The following LMOD3 variants were observed in gnomAD, a reference collection of about 807,000 sequenced individuals.
LMOD3 encodes the protein leiomodin-3.
A neutral mutation model predicts 41.8 loss-of-function variants in LMOD3; 31 were observed. The observed-to-expected ratio is 0.74, with a 90% confidence interval of 0.56 to 1.00. The LOEUF (loss-of-function observed/expected upper bound fraction) is 1.00. Ranked by LOEUF, LMOD3 falls within the 50% of genes least tolerant of loss-of-function variation. The pLI is 0.00. For missense variants in LMOD3, 755 were observed against 679.5 expected (o/e 1.11, Z -1.23); for synonymous variants, 292 against 241.9 (o/e 1.21, Z -1.92).
At position 69,107,915 on chromosome 3, in the gene LMOD3, A is replaced by C. The variant is rs1005407873; in HGVS notation, c.*1180T>G. The C allele has an allele frequency of 6.6e-6, 1 of 152,206 alleles. No individual in the cohort carries two copies. Among genetic ancestry groups the C allele is most frequent in the Non-Finnish European group, 1.5e-5 (1 of 68,042 alleles). 9.4% of individuals were successfully genotyped at this position (152,206 alleles called of 1,614,324 possible). A position where few individuals can be genotyped will look rare whatever the true frequency, so the allele number is the denominator to read the frequency against. ...AGAAGGACAGATTGGAGTTGTCTGGAAAATTTTTTATGGAGGACACAGGAT... is the reference window on the plus strand; with the variant it reads ...AGAAGGACAGATTGGAGTTGTCTGGCAAATTTTTTATGGAGGACACAGGAT... On this transcript the variant is annotated 3_prime_UTR_variant, in exon 3 of 3. Transcript: ENST00000420581.
At position 69,119,009 on chromosome 3, in the gene LMOD3, G is replaced by A. The variant is rs773530591; in HGVS notation, c.1346C>T (p.Pro449Leu). The A allele has an allele frequency of 5.6e-6, 9 of 1,613,442 alleles. No homozygotes were observed. The highest frequency in any genetic ancestry group is 1.3e-5 in the African/African-American group (1 of 74,748). The change falls in exon 2 of 3, where the codon CCA becomes CTA. Residue 449 changes from proline to leucine, a missense_variant. Coordinates refer to ENST00000420581, the MANE Select transcript of LMOD3 (RefSeq NM_198271.5). ...GGGGTTGGGAGGCCGAGGTGGCGGT[G>A]GCTGGAAGAATTCCTGCATTCTGGA... is the stretch of plus-strand genomic sequence containing the variant. ...PDSRMQEFFQ[P>L]PPPRPPNPQN...
At chr3:69,118,590 T>C in intron 2 of LMOD3, 109 bp downstream of exon 2, 1 of 1,243,154 alleles carries the variant, frequency 8.0e-7, no homozygotes, top group Non-Finnish European at 1.1e-6. Context: ...TTCCCCCAGT[T>C]GGTCTCAATT....
In LMOD3 at chr3:69,119,909, T is replaced by C. The variant is rs1453170109; in HGVS notation, c.446A>G (p.Glu149Gly). 6.5e-7 allele frequency: 1 copy of C among 1,546,848 alleles called. No individual in the cohort carries two copies. ...GTCGTCATCATCATCATCTTCTTCTTCTTCATCTTCTTCATCTGTTTCTTG... is the reference window on the plus strand; with the variant it reads ...GTCGTCATCATCATCATCTTCTTCTCCTTCATCTTCTTCATCTGTTTCTTG... ...NIQETDEEDE[E>G]EEDDDDDDEG... Residue 149 changes from glutamate (E) to glycine (G), a missense_variant, in exon 2 of 3, where the codon GAA (glutamate) becomes GGA (glycine). Physicochemically the swap from Glu to Gly is moderately conservative, Grantham distance 98. Coordinates refer to ENST00000420581, the MANE Select transcript of LMOD3 (RefSeq NM_198271.5).
In LMOD3 at chr3:69,122,378, C is replaced by T. The variant is rs750755342; in HGVS notation, c.9G>A (p.Glu3=). MS[E]HSRNSDQEEL... ...CTTCTTGATCTGAATTTCTGCTGTG[C>T]TCTGACATTATTTTTTCTAAATATT... The change falls in exon 1 of 3, where the codon GAG becomes GAA. Residue 3 remains glutamate, a synonymous_variant. Transcript: ENST00000420581. 2 of 1,576,036 alleles carry T rather than the reference C, an allele frequency of 1.3e-6. No homozygotes were observed. Among genetic ancestry groups the T allele is most frequent in the Non-Finnish European group, 1.7e-6 (2 of 1,159,188 alleles).
chr3:69,110,619 G>T (rs1297330079), intron 2 of LMOD3, among the ~76,000 whole-genome samples: 3 of 148,106 alleles, frequency 2.0e-5, no homozygotes, highest in Admixed American at 2.0e-4. Flanking sequence ...GAGGTGGGCG[G>T]TTCTCCTGAG....
At chr3:69,110,381 C>T (rs867800732) in intron 2 of LMOD3, among the ~76,000 whole-genome samples, 12 of 151,672 alleles carry the variant, frequency 7.9e-5, no homozygotes, top group South Asian at 2.1e-4. Context: ...AGGTGCATGC[C>T]ACCACGCCCA....
chr3:69,110,939 A>T (rs2092347593), intron 2 of LMOD3, among the ~76,000 whole-genome samples: 1 of 150,320 alleles, frequency 6.7e-6, no homozygotes, highest in Non-Finnish European at 1.5e-5. Context: ...AACACTGCAA[A>T]CCCACTTCAT....
At chr3:69,114,167 A>AT (rs1392765055) in intron 2 of LMOD3, among the ~76,000 whole-genome samples, 2 of 152,142 alleles carry the variant, frequency 1.3e-5, no homozygotes, top group African/African-American at 4.8e-5. Context: ...GAAACAGCTA[A>AT]TTTTTTCCAT....
At chr3:69,110,376 C>T (rs2092342726) in intron 2 of LMOD3, among the ~76,000 whole-genome samples, 1 of 151,676 alleles carries the variant, frequency 6.6e-6, no homozygotes, top group Admixed American at 6.6e-5. Flanking sequence ...ACTACAGGTG[C>T]ATGCCACCAC....
chr3:69,116,416 T>C (rs1401550409), intron 2 of LMOD3, among the ~76,000 whole-genome samples: 2 of 152,228 alleles, frequency 1.3e-5, no homozygotes, highest in African/African-American at 4.8e-5. Context: ...GAGGGTGATA[T>C]GCAAGATTGT....
chr3:69,114,789 A>G (rs981213155), intron 2 of LMOD3, among the ~76,000 whole-genome samples: 3 of 152,120 alleles, frequency 2.0e-5, no homozygotes, highest in African/African-American at 7.2e-5. Context: ...GAGCCACCGC[A>G]CCCAGCCTAA....
In LMOD3 at chr3:69,119,474, G is replaced by A; in HGVS notation, c.881C>T (p.Ala294Val). Residue 294 changes from alanine to valine, a missense_variant, in exon 2 of 3, where the codon GCA becomes GTA. Physicochemically the swap from Ala to Val is moderately conservative, Grantham distance 64 (BLOSUM62 0). Transcript: ENST00000420581. ...IKTFSLANVG[A>V]DENVAFALAN... The stretch of plus-strand genomic sequence containing the variant: ...CAAGGCAAATGCTACATTCTCATCT[G>A]CACCCACATTGGCTAAACTGAATGT... 1 of 1,613,976 alleles carries A rather than the reference G, an allele frequency of 6.2e-7. No homozygotes were observed. Among genetic ancestry groups the A allele is most frequent in the Non-Finnish European group, 8.5e-7 (1 of 1,179,868 alleles).
Position 69,119,265 on chromosome 3 carries a change from A to T in LMOD3, c.1090T>A (p.Leu364Met). Reference sequence around the variant, plus strand: ...TTCAGGAGAGTGTTGTTTGCCTTCAAAAGCCTGGCTATTTCCATTTCAGCA... The same window carrying T: ...TTCAGGAGAGTGTTGTTTGCCTTCATAAGCCTGGCTATTTCCATTTCAGCA... ...HHAEMEIARL[L>M]KANNTLLKMG... Residue 364 changes from leucine to methionine, a missense_variant, in exon 2 of 3, where the codon TTG (leucine) becomes ATG (methionine). Leu to Met is a conservative substitution (Grantham distance 15). Transcript: ENST00000420581. The T allele has an allele frequency of 6.2e-7, 1 of 1,613,936 alleles. No individual in the cohort carries two copies. Among genetic ancestry groups the T allele is most frequent in the Non-Finnish European group, 8.5e-7 (1 of 1,179,868 alleles).
At chr3:69,109,162 T>C (rs1406024876) in intron 2 of LMOD3, 41 bp from the exon 3 acceptor site, 3 of 1,581,360 alleles carry the variant, frequency 1.9e-6, no homozygotes, top group Middle Eastern at 3.3e-4. Context: ...AAATTAATCC[T>C]GGAAATTTAA....
At position 69,119,899 on chromosome 3, in the gene LMOD3, ATCTTCT is replaced by A. The variant is rs753459417; in HGVS notation, c.450_455del (p.Glu150_Glu151del). On this transcript the variant is annotated inframe_deletion, in exon 2 of 3. Coordinates refer to ENST00000420581, the MANE Select transcript of LMOD3 (RefSeq NM_198271.5). ...CTTCTCCTTCGTCGTCATCATCATC[ATCTTCT>A]TCTTCTTCATCTTCTTCATCTGTTT... The A allele has an allele frequency of 3.0e-5, 43 of 1,456,562 alleles. No homozygotes were observed. The highest frequency in any genetic ancestry group is 4.2e-5 in the African/African-American group (3 of 70,988). 90.2% of individuals were successfully genotyped at this position (1,456,562 alleles called of 1,614,324 possible). A position where few individuals can be genotyped will look rare whatever the true frequency, so the allele number is the denominator to read the frequency against.
Position 69,107,470 on chromosome 3 carries a change from T to TGAGA in LMOD3, c.*1624_*1625insTCTC, listed in dbSNP as rs2092328249. The TGAGA allele has an allele frequency of 9.9e-6, 1 of 101,050 alleles. No individual in the cohort carries two copies. Among genetic ancestry groups the TGAGA allele is most frequent in the Non-Finnish European group, 1.9e-5 (1 of 52,056 alleles). The allele number at this position is 101,050 out of a possible 1,614,324, so 6.3% of individuals were successfully genotyped here. ...CACCAAAGGTTTTTTTTTTTTTTTT[T>TGAGA]TTTTTTTTTTTTTTTTTTTTTTTTG... is the stretch of plus-strand genomic sequence containing the variant. On this transcript the variant is annotated 3_prime_UTR_variant, in exon 3 of 3. Transcript: ENST00000420581.
chr3:69,107,349 T>C lies in LMOD3; in HGVS notation c.*1746A>G, dbSNP rs145955194. Reference sequence around the variant, plus strand: ...TGTCACAATTAGACCTATTCTCCCCTAGCCTGTTTGGTTTGATACATGCCA... The same window carrying C: ...TGTCACAATTAGACCTATTCTCCCCCAGCCTGTTTGGTTTGATACATGCCA... On this transcript the variant is annotated 3_prime_UTR_variant, in exon 3 of 3. Transcript: ENST00000420581. The C allele has an allele frequency of 7.4e-5, 11 of 148,952 alleles. No homozygotes were observed. The highest frequency in any genetic ancestry group is 2.5e-4 in the African/African-American group (10 of 40,814). The allele number at this position is 148,952 out of a possible 1,614,324, so 9.2% of individuals were successfully genotyped here. A position where few individuals can be genotyped will look rare whatever the true frequency, so the allele number is the denominator to read the frequency against.
chr3:69,118,609 TC>T, intron 2 of LMOD3, 89 bp downstream of exon 2: 1 of 1,412,658 alleles, frequency 7.1e-7, no homozygotes, highest in Admixed American at 2.5e-5. Flanking sequence ...TTAGTGAGTA[TC>T]CCCTTATGTT....
chr3:69,117,346 C>G (rs2092379417), intron 2 of LMOD3, among the ~76,000 whole-genome samples: 1 of 152,256 alleles, frequency 6.6e-6, no homozygotes, highest in East Asian at 1.9e-4. Context: ...GAATATCAAG[C>G]TCTTTAAAGC....
Sources: allele counts gnomAD v4.1 joint callset (sites outside exome capture counted in the v4.1 genomes callset), GRCh38; gene constraint gnomAD v4.1.1; transcripts MANE v1.5; gene names NCBI Gene and HGNC (gene_info 2026-07-23, HGNC 2026-07-21).